LRTM3: variants seen among roughly 807,000 people sequenced by gnomAD.
LRTM3 encodes the protein leucine rich repeat transmembrane protein 3.
At chr13:102,735,546 T>C in the LRTM3 span, 4 of 1,551,154 alleles carry the variant, frequency 2.6e-6, no homozygotes, top group Non-Finnish European at 3.5e-6. Flanking sequence ...TCTTTACTTT[T>C]CCACTGCAAT....
chr13:102,745,723 A>G, the LRTM3 span: 1 of 1,551,080 alleles, frequency 6.4e-7, no homozygotes. Context: ...GATGGCTAGA[A>G]TCAGATGAGA....
At chr13:102,748,588 G>A in the LRTM3 span, 6 of 1,550,838 alleles carry the variant, frequency 3.9e-6, no homozygotes, top group Admixed American at 5.9e-5. Flanking sequence ...TTTCAGGAGA[G>A]GAAACAAGTT....
the LRTM3 span, chr13:102,748,437 G>T: frequency 1.3e-5 from 20 of 1,551,154 alleles, no homozygotes; most frequent in Non-Finnish European, 1.7e-5. Flanking sequence ...AAATCTTTTT[G>T]TTTCTGTGTA....
At chr13:102,741,161 T>C in the LRTM3 span, 3 of 1,549,156 alleles carry the variant, frequency 1.9e-6, no homozygotes, top group Non-Finnish European at 2.6e-6. Flanking sequence ...ACTTAGATGC[T>C]TCATCCTCAA....
chr13:102,755,511 A>T, the LRTM3 span, among the ~76,000 whole-genome samples: 1 of 152,136 alleles, frequency 6.6e-6, no homozygotes, highest in Non-Finnish European at 1.5e-5. Context: ...GACATGGATG[A>T]AGCTGGAAGC....
the LRTM3 span, chr13:102,737,771 G>A: frequency 1.9e-6 from 3 of 1,550,498 alleles, no homozygotes; most frequent in Admixed American, 2.0e-5. Context: ...CCCTGTCTCT[G>A]ATGATTTCTG....
At chr13:102,732,348 G>A in the LRTM3 span, 1 of 1,551,236 alleles carries the variant, frequency 6.4e-7, no homozygotes. Context: ...CTATTGCTTG[G>A]TGTACCACGC....
the LRTM3 span, chr13:102,740,673 T>G: frequency 6.5e-7 from 1 of 1,548,134 alleles, no homozygotes; most frequent in Admixed American, 2.0e-5. Flanking sequence ...TCTTGTTGCA[T>G]AGATGCATTG....
the LRTM3 span, chr13:102,741,971 CT>C: frequency 4.5e-6 from 7 of 1,550,542 alleles, no homozygotes; most frequent in Non-Finnish European, 6.1e-6. Context: ...TTCCTGTTTT[CT>C]AAGAATGCTG....
the LRTM3 span, chr13:102,736,698 T>C: frequency 6.4e-7 from 1 of 1,550,560 alleles, no homozygotes; most frequent in East Asian, 2.4e-5. Context: ...TGCAGTTCCT[T>C]TGTTTTTAGT....
chr13:102,747,052 A>G, the LRTM3 span: 7 of 1,551,220 alleles, frequency 4.5e-6, no homozygotes, highest in African/African-American at 1.4e-5. Flanking sequence ...TGCAGCTATC[A>G]TGCAGGACTG....
At chr13:102,739,095 G>A in the LRTM3 span, 1 of 1,550,344 alleles carries the variant, frequency 6.5e-7, no homozygotes, top group South Asian at 1.2e-5. Flanking sequence ...TTTATTCTAG[G>A]ATTCCATTCC....
At chr13:102,741,523 G>T in the LRTM3 span, 1 of 1,549,836 alleles carries the variant, frequency 6.5e-7, no homozygotes, top group Non-Finnish European at 8.7e-7. Flanking sequence ...TTCTGTTAAT[G>T]TACACATCTT....
chr13:102,741,493 C>T, the LRTM3 span: 2 of 1,549,402 alleles, frequency 1.3e-6, no homozygotes, highest in Non-Finnish European at 1.7e-6. Flanking sequence ...CTTCTTTTCC[C>T]AATACATGTG....
the LRTM3 span, chr13:102,743,678 T>C: frequency 6.5e-7 from 1 of 1,549,924 alleles, no homozygotes; most frequent in African/African-American, 1.4e-5. Flanking sequence ...AATATGACCA[T>C]GATTTTCTTG....
the LRTM3 span, chr13:102,733,336 T>C: frequency 6.4e-7 from 1 of 1,551,260 alleles, no homozygotes; most frequent in African/African-American, 1.4e-5. Context: ...CATTACTTTG[T>C]CCATCTTCCT....
the LRTM3 span, chr13:102,731,228 G>A: frequency 6.4e-7 from 1 of 1,551,386 alleles, no homozygotes; most frequent in Non-Finnish European, 8.7e-7. Flanking sequence ...GCTGGCAAGA[G>A]GTGAATCCTT....
the LRTM3 span, chr13:102,732,339 T>C: frequency 6.4e-7 from 1 of 1,551,398 alleles, no homozygotes; most frequent in Non-Finnish European, 8.7e-7. Context: ...AATTTCTTTC[T>C]ATTGCTTGGT....
At chr13:102,730,541 T>C in the LRTM3 span, 2 of 1,551,814 alleles carry the variant, frequency 1.3e-6, no homozygotes, top group Non-Finnish European at 1.7e-6. Context: ...GAATTCTGAC[T>C]CTGAAAGAAC....
Sources: allele counts gnomAD v4.1 joint callset (sites outside exome capture counted in the v4.1 genomes callset), GRCh38; gene constraint gnomAD v4.1.1; transcripts MANE v1.5; gene names NCBI Gene and HGNC (gene_info 2026-07-23, HGNC 2026-07-21).